Variants in SPIRE1 observed in about 807,000 individuals in gnomAD.
SPIRE1 encodes protein spire homolog 1.
Under a neutral mutation model 94.1 loss-of-function variants are expected in SPIRE1, and 40 were observed. The ratio of observed to expected loss-of-function variants is 0.43; its 90% CI spans 0.33 to 0.55. SPIRE1 has a LOEUF of 0.55. Among genes scored for constraint, SPIRE1 ranks in the 20% least tolerant of loss-of-function variants. The probability of loss-of-function intolerance (pLI) is 0.06; values close to 1 mark genes in which losing one functional copy is unlikely to be tolerated. For synonymous variants in SPIRE1, 376 were observed against 371.7 expected (o/e 1.01, Z -0.13); for missense variants, 838 against 975.2 (o/e 0.86, Z 1.87).
chr18:12,578,171 A>G (rs2144516355), intron 2 of SPIRE1, among the ~76,000 whole-genome samples: 1 of 152,382 alleles, frequency 6.6e-6, no homozygotes, highest in Non-Finnish European at 1.5e-5. Context: ...ACATAAATTT[A>G]TCATATGACC....
chr18:12,592,810 T>C (rs1468640310), intron 2 of SPIRE1, among the ~76,000 whole-genome samples: 2 of 152,222 alleles, frequency 1.3e-5, no homozygotes, highest in African/African-American at 4.8e-5. Context: ...TTAGTGACAA[T>C]ATAGAGAGCT....
chr18:12,555,629 A>AT (rs1373158859), intron 2 of SPIRE1, among the ~76,000 whole-genome samples: 1 of 152,206 alleles, frequency 6.6e-6, no homozygotes, highest in Non-Finnish European at 1.5e-5. Flanking sequence ...TCCCTTCATG[A>AT]TAAAAACCCT....
At chr18:12,623,082 C>T (rs757167963) in intron 2 of SPIRE1, among the ~76,000 whole-genome samples, 1 of 151,842 alleles carries the variant, frequency 6.6e-6, no homozygotes, top group African/African-American at 2.4e-5. Flanking sequence ...CAGCCACTAT[C>T]ACTAAGCAGT....
intron 1 of SPIRE1, among the ~76,000 whole-genome samples, chr18:12,656,414 G>GC (rs1185104083): frequency 1.3e-5 from 2 of 152,004 alleles, no homozygotes; most frequent in East Asian, 3.9e-4. Flanking sequence ...AAAGATAAAA[G>GC]CATGTAAATA....
intron 11 of SPIRE1, 141 bp downstream of exon 11, chr18:12,464,727 T>C: frequency 1.6e-6 from 1 of 640,196 alleles, no homozygotes; most frequent in Non-Finnish European, 2.7e-6. Flanking sequence ...AAATAAGTAT[T>C]TCATCTCCCG....
At chr18:12,471,632 T>C (rs1481776206) in intron 10 of SPIRE1, among the ~76,000 whole-genome samples, 2 of 151,852 alleles carry the variant, frequency 1.3e-5, no homozygotes, top group East Asian at 1.9e-4. Flanking sequence ...TTTGTTCTTT[T>C]CTTTAATTCA....
chr18:12,619,579 T>C lies in SPIRE1; in HGVS notation c.372+15483A>G, dbSNP rs545656343. On this transcript the variant is annotated intron_variant, in intron 2 of 16. Coordinates refer to ENST00000409402, the MANE Select transcript of SPIRE1 (RefSeq NM_001128626.2). ...AAAAATAAACACAGGCTAGGCGCAGTGGCTCATGCCTGTAATCTCAGCACT... is the reference window on the plus strand; with the variant it reads ...AAAAATAAACACAGGCTAGGCGCAGCGGCTCATGCCTGTAATCTCAGCACT... Among the ~76,000 whole-genome samples the C allele has an allele frequency of 7.9e-5, 12 of 152,166 alleles. No homozygotes were observed. The South Asian group carries it at 2.3e-3, about 29-fold the overall frequency.
At chr18:12,479,159 ATTTT>A (rs61059172) in intron 10 of SPIRE1, among the ~76,000 whole-genome samples, 2 of 143,934 alleles carry the variant, frequency 1.4e-5, no homozygotes, top group South Asian at 4.4e-4. Context: ...ACATATATGT[ATTTT>A]TTTTTTCTTT....
upstream of SPIRE1, chr18:12,658,628 C>T: frequency 4.3e-6 from 2 of 469,980 alleles, no homozygotes; most frequent in South Asian, 3.1e-5. Context: ...GAGCGGATGC[C>T]TAAGAAAATG....
At chr18:12,450,192 T>TAA (rs57438729) in intron 16 of SPIRE1, among the ~76,000 whole-genome samples, 1,942 of 122,070 alleles carry the variant, frequency 0.016, 48 homozygotes, top group African/African-American at 0.056. Context: ...CAGTCTCTAC[T>TAA]AAAAAAAAAA....
chr18:12,511,952 T>C (rs2034047604), intron 5 of SPIRE1, among the ~76,000 whole-genome samples: 1 of 152,298 alleles, frequency 6.6e-6, no homozygotes, highest in African/African-American at 2.4e-5. Flanking sequence ...AGGGTCTCAC[T>C]ATGTTGTCCA....
chr18:12,650,147 G>A (rs577210983), intron 1 of SPIRE1, among the ~76,000 whole-genome samples: 124 of 152,284 alleles, frequency 8.1e-4, no homozygotes, highest in Middle Eastern at 3.4e-3. Context: ...GCTGAGGTGC[G>A]AGAATTGCTT....
intron 1 of SPIRE1, among the ~76,000 whole-genome samples, chr18:12,641,691 G>C (rs2038090857): frequency 6.6e-6 from 1 of 152,038 alleles, no homozygotes; most frequent in South Asian, 2.1e-4. Context: ...CTAAAGTGCA[G>C]TGGCCACTGA....
chr18:12,551,198 G>T (rs920912539), intron 2 of SPIRE1, among the ~76,000 whole-genome samples: 2 of 151,976 alleles, frequency 1.3e-5, no homozygotes, highest in Non-Finnish European at 2.9e-5. Context: ...TAATGCTTTG[G>T]ATCTTGTCTA....
chr18:12,505,582 A>G (rs921762821), intron 6 of SPIRE1, among the ~76,000 whole-genome samples: 1 of 151,782 alleles, frequency 6.6e-6, no homozygotes, highest in African/African-American at 2.4e-5. Flanking sequence ...AAAACTCTCA[A>G]TTGGAGATGG....
At chr18:12,652,700 T>G (rs1325496641) in intron 1 of SPIRE1, among the ~76,000 whole-genome samples, 1 of 152,204 alleles carries the variant, frequency 6.6e-6, no homozygotes, top group Non-Finnish European at 1.5e-5. Flanking sequence ...ATTTTTTTCC[T>G]TCATTGGTCT....
intron 12 of SPIRE1, among the ~76,000 whole-genome samples, chr18:12,455,029 G>T (rs533450150): frequency 1.3e-5 from 2 of 151,766 alleles, no homozygotes; most frequent in South Asian, 4.2e-4. Context: ...TTGACTTCCT[G>T]GGCTCAAGTG....
chr18:12,475,061 C>T (rs1012112836), intron 10 of SPIRE1, among the ~76,000 whole-genome samples: 1 of 152,144 alleles, frequency 6.6e-6, no homozygotes, highest in Non-Finnish European at 1.5e-5. Flanking sequence ...TCACTAGATG[C>T]CAGACATGCA....
intron 2 of SPIRE1, among the ~76,000 whole-genome samples, chr18:12,558,963 G>A (rs2035602448): frequency 6.6e-6 from 1 of 152,220 alleles, no homozygotes; most frequent in African/African-American, 2.4e-5. Flanking sequence ...CAATCCTCTA[G>A]CTAGACATAA....
Sources: allele counts gnomAD v4.1 joint callset (sites outside exome capture counted in the v4.1 genomes callset), GRCh38; gene constraint gnomAD v4.1.1; transcripts MANE v1.5; gene names NCBI Gene and HGNC (gene_info 2026-07-23, HGNC 2026-07-21).